The following SLC24A4 variants were observed in gnomAD, a reference collection of about 807,000 sequenced individuals.
The protein encoded by SLC24A4 is solute carrier family 24 member 4, also known as sodium/potassium/calcium exchanger 4.
Under a neutral mutation model 79.0 loss-of-function variants are expected in SLC24A4, and 53 were observed. The observed-to-expected ratio is 0.67, with a 90% confidence interval of 0.54 to 0.84. The LOEUF (loss-of-function observed/expected upper bound fraction) is 0.84, where lower values mean the gene tolerates loss of function less well. Among genes scored for constraint, SLC24A4 ranks in the 40% least tolerant of loss-of-function variants. The pLI is 0.00. For synonymous variants in SLC24A4, 323 were observed against 323.8 expected (o/e 1.00, Z 0.03); for missense variants, 731 against 822.0 (o/e 0.89, Z 1.35).
At chr14:92,381,997 A>C (rs1888878887) in intron 2 of SLC24A4, among the ~76,000 whole-genome samples, 1 of 152,206 alleles carries the variant, frequency 6.6e-6, no homozygotes, top group Non-Finnish European at 1.5e-5. Flanking sequence ...TAAGTTCTTA[A>C]AATAAATTTT....
At chr14:92,450,880 G>T (rs912631949) in intron 10 of SLC24A4, 22 of 152,350 alleles carry the variant, frequency 1.4e-4, no homozygotes, top group African/African-American at 5.1e-4. Flanking sequence ...ACAGCATGGG[G>T]GCCTCAGCTC....
At chr14:92,360,989 G>A (rs751596441) in intron 2 of SLC24A4, among the ~76,000 whole-genome samples, 7 of 152,194 alleles carry the variant, frequency 4.6e-5, no homozygotes, top group Non-Finnish European at 1.0e-4. Flanking sequence ...TTAAATGCAC[G>A]TTTGAAATGA....
At chr14:92,449,937 A>G (rs955787330) in intron 10 of SLC24A4, among the ~76,000 whole-genome samples, 1 of 152,200 alleles carries the variant, frequency 6.6e-6, no homozygotes, top group African/African-American at 2.4e-5. Context: ...CTTCCTTGGA[A>G]ACCTGAATAA....
chr14:92,424,674 C>A (rs1421083414), intron 2 of SLC24A4, among the ~76,000 whole-genome samples: 9 of 149,636 alleles, frequency 6.0e-5, no homozygotes, highest in Admixed American at 2.0e-4. Flanking sequence ...CCAGCCTGGG[C>A]ATAATAGTGA....
At chr14:92,460,128 T>C (rs775926158) in intron 12 of SLC24A4, among the ~76,000 whole-genome samples, 4 of 152,074 alleles carry the variant, frequency 2.6e-5, no homozygotes, top group Admixed American at 6.5e-5. Context: ...CCCGTGCCAA[T>C]GTGCAGATAT....
intron 2 of SLC24A4, among the ~76,000 whole-genome samples, chr14:92,389,993 C>T (rs1021912645): frequency 2.6e-5 from 4 of 152,124 alleles, no homozygotes; most frequent in Non-Finnish European, 5.9e-5. Context: ...TGATGCCAGC[C>T]GGTCCCTCTG....
intron 2 of SLC24A4, among the ~76,000 whole-genome samples, chr14:92,333,471 C>T (rs1213409627): frequency 1.3e-5 from 2 of 152,142 alleles, no homozygotes; most frequent in Non-Finnish European, 2.9e-5. Flanking sequence ...ATGTCCTGTG[C>T]CCCATGTTAA....
At chr14:92,343,653 T>TTTCCTTCCTTCCTTCCCTCCTTCCTTCC (rs1886338462) in intron 2 of SLC24A4, among the ~76,000 whole-genome samples, 9 of 34,256 alleles carry the variant, frequency 2.6e-4, no homozygotes, top group African/African-American at 5.1e-4. Flanking sequence ...TCTTTCCTTC[T>TTTCCTTCCTTCCTTCCCTCCTTCCTTCC]TTCCTTCCTT....
At chr14:92,453,308 C>A (rs1025266329) in intron 10 of SLC24A4, 1 of 152,248 alleles carries the variant, frequency 6.6e-6, no homozygotes, top group Non-Finnish European at 1.5e-5. Flanking sequence ...CTGTCTAGGT[C>A]CCATGATCTA....
At chr14:92,367,372 C>G (rs1887907853) in intron 2 of SLC24A4, among the ~76,000 whole-genome samples, 1 of 152,216 alleles carries the variant, frequency 6.6e-6, no homozygotes, top group Admixed American at 6.5e-5. Flanking sequence ...ACATGACAAG[C>G]AAACCAAGGC....
chr14:92,349,951 A>G (rs977645496), intron 2 of SLC24A4, among the ~76,000 whole-genome samples: 1 of 152,182 alleles, frequency 6.6e-6, no homozygotes, highest in Non-Finnish European at 1.5e-5. Context: ...CCTCACTGGC[A>G]TTGTGGGGCA....
At chr14:92,379,225 C>T (rs1010162830) in intron 2 of SLC24A4, among the ~76,000 whole-genome samples, 1 of 152,138 alleles carries the variant, frequency 6.6e-6, no homozygotes, top group Non-Finnish European at 1.5e-5. Context: ...ACCTGGAAAT[C>T]GATCTTGAGT....
At chr14:92,427,365 T>C (rs1251999523) in intron 2 of SLC24A4, among the ~76,000 whole-genome samples, 1 of 152,182 alleles carries the variant, frequency 6.6e-6, no homozygotes, top group Non-Finnish European at 1.5e-5. Flanking sequence ...GTGGGCACCA[T>C]GGGGAAGGTG....
At chr14:92,375,597 T>C (rs1888453126) in intron 2 of SLC24A4, among the ~76,000 whole-genome samples, 1 of 152,236 alleles carries the variant, frequency 6.6e-6, no homozygotes, top group African/African-American at 2.4e-5. Context: ...ATGTGCTATG[T>C]CCATATAATG....
chr14:92,330,791 TG>T (rs1481320235), intron 2 of SLC24A4, among the ~76,000 whole-genome samples: 1 of 152,148 alleles, frequency 6.6e-6, no homozygotes, highest in Non-Finnish European at 1.5e-5. Flanking sequence ...CATTCCATCA[TG>T]GGGGCCATAC....
rs753099862 is a variant in SLC24A4 at position 92,441,491 on chromosome 14, A to G, written c.394-598A>G. 6.6e-6 allele frequency among the ~76,000 whole-genome samples: 1 copy of G among 152,200 alleles called. No homozygotes were observed. Among genetic ancestry groups the G allele is most frequent in the Non-Finnish European group, 1.5e-5 (1 of 68,024 alleles). On this transcript the variant is annotated intron_variant, in intron 4 of 16. Coordinates refer to ENST00000532405, the MANE Select transcript of SLC24A4 (RefSeq NM_153646.4). The surrounding 1 kb of genome is among the most constrained non-coding windows in gnomAD (Gnocchi z 4.6). ...CGTGGAGAAGGCCTTCCAGAATGCA[A>G]GGCCCAGCTGCAGGCCAGAGGCCTC...
At chr14:92,466,099 C>T (rs9323876) in intron 12 of SLC24A4, among the ~76,000 whole-genome samples, 22,995 of 152,104 alleles carry the variant, frequency 0.15, 1,861 homozygotes, top group Middle Eastern at 0.35. Context: ...CATTGGACAC[C>T]CATGGAATTG....
At chr14:92,357,353 A>G (rs1887237099) in intron 2 of SLC24A4, among the ~76,000 whole-genome samples, 1 of 152,238 alleles carries the variant, frequency 6.6e-6, no homozygotes, top group African/African-American at 2.4e-5. Context: ...AACTAGGAAG[A>G]ATATATGTTG....
At chr14:92,470,364 T>C (rs1466804649) in intron 12 of SLC24A4, among the ~76,000 whole-genome samples, 1 of 152,198 alleles carries the variant, frequency 6.6e-6, no homozygotes, top group Non-Finnish European at 1.5e-5. Flanking sequence ...CAGTGATGCA[T>C]GCATCCCTGC....
Sources: allele counts gnomAD v4.1 joint callset (sites outside exome capture counted in the v4.1 genomes callset), GRCh38; gene constraint gnomAD v4.1.1; non-coding constraint Gnocchi (gnomAD v3.1); transcripts MANE v1.5; gene names NCBI Gene and HGNC (gene_info 2026-07-23, HGNC 2026-07-21).